NYAP2: variants seen among roughly 807,000 people sequenced by gnomAD.
The protein encoded by NYAP2 is neuronal tyrosine-phosphorylated phosphoinositide-3-kinase adaptor 2, also known as neuronal tyrosine-phosphorylated phosphoinositide-3-kinase adapter 2.
In NYAP2, 23 loss-of-function variants were observed where a neutral mutation model predicts 50.4. The ratio of observed to expected loss-of-function variants is 0.46; its 90% CI spans 0.33 to 0.65. NYAP2 has a LOEUF of 0.65. NYAP2 is among the 30% of genes least tolerant of loss of function. The probability of loss-of-function intolerance (pLI) is 0.02; values close to 1 mark genes in which losing one functional copy is unlikely to be tolerated. For synonymous variants in NYAP2, 394 were observed against 365.2 expected (o/e 1.08, Z -0.90); for missense variants, 885 against 861.0 (o/e 1.03, Z -0.35).
At position 225,583,100 on chromosome 2, in the gene NYAP2, C is replaced by T. The variant is rs1692328201; in HGVS notation, c.1618+65C>T. Reference sequence around the variant, plus strand: ...CCAGGCTTACAACCAGGGTGAAGCCCATTGTGTGCAGATAACGCACAGAGT... The same window carrying T: ...CCAGGCTTACAACCAGGGTGAAGCCTATTGTGTGCAGATAACGCACAGAGT... On this transcript the variant is annotated intron_variant, in intron 5 of 6. Coordinates refer to ENST00000636099, the Ensembl canonical transcript of NYAP2. 3 of 1,537,574 alleles carry T rather than the reference C, an allele frequency of 2.0e-6. No homozygotes were observed. The African/African-American group carries it at 4.1e-5, about 21-fold the overall frequency.
chr2:225,504,473 TATATC>T (rs903270491), intron 3 of NYAP2, among the ~76,000 whole-genome samples: 2 of 152,180 alleles, frequency 1.3e-5, no homozygotes, highest in Non-Finnish European at 2.9e-5. Context: ...CACCTGTACT[TATATC>T]AGCCACCTTG....
At chr2:225,430,314 A>G (rs914817858) in intron 3 of NYAP2, among the ~76,000 whole-genome samples, 18 of 152,204 alleles carry the variant, frequency 1.2e-4, no homozygotes, top group Admixed American at 1.1e-3. Flanking sequence ...TTCCAAATAT[A>G]GAATAATCAG....
chr2:225,464,539 G>A (rs1371822977), intron 3 of NYAP2, among the ~76,000 whole-genome samples: 2 of 152,200 alleles, frequency 1.3e-5, no homozygotes, highest in African/African-American at 4.8e-5. Context: ...GGTGACTTCA[G>A]GTAACTGGGC....
intron 6 of NYAP2, among the ~76,000 whole-genome samples, chr2:225,650,713 T>C (rs914498603): frequency 7.9e-5 from 12 of 152,190 alleles, no homozygotes; most frequent in Admixed American, 3.9e-4. Flanking sequence ...TTTTCCTTTG[T>C]CAAATATCTT....
chr2:225,631,144 ATAAT>A (rs1693307201), intron 6 of NYAP2, among the ~76,000 whole-genome samples: 1 of 152,244 alleles, frequency 6.6e-6, no homozygotes, highest in African/African-American at 2.4e-5. Context: ...TAGATAGTCC[ATAAT>A]TAAACTTTTT....
At chr2:225,605,754 A>T (rs903390374) in intron 5 of NYAP2, among the ~76,000 whole-genome samples, 2 of 152,234 alleles carry the variant, frequency 1.3e-5, no homozygotes, top group Non-Finnish European at 2.9e-5. Flanking sequence ...GTTTTCTCCC[A>T]AATAATTCTA....
the NYAP2 span, among the ~76,000 whole-genome samples, chr2:225,659,636 C>A: frequency 2.6e-5 from 4 of 152,190 alleles, no homozygotes; most frequent in East Asian, 7.7e-4. Context: ...TAGACAAAAA[C>A]CTGAGATAGA....
Position 225,543,879 on chromosome 2 carries a change from A to G in NYAP2, c.523+30207A>G, listed in dbSNP as rs191842601. On this transcript the variant is annotated intron_variant, in intron 4 of 6. Transcript: ENST00000636099. ...TGTTGAATTCTCCAGCTATTATTGT[A>G]TTAGGGCCTGTCTCTCTCTTTAGCT... Among the ~76,000 whole-genome samples the G allele has an allele frequency of 1.5e-3, 221 of 152,114 alleles. 1 individual carries two copies. The highest frequency in any genetic ancestry group is 1.0e-3 in the Non-Finnish European group (71 of 67,896).
chr2:225,671,413 GT>G, the NYAP2 span, among the ~76,000 whole-genome samples: 1 of 152,152 alleles, frequency 6.6e-6, no homozygotes, highest in East Asian at 1.9e-4. Context: ...AACTCATCAT[GT>G]GTTCAAGTTT....
intron 3 of NYAP2, among the ~76,000 whole-genome samples, chr2:225,500,996 G>A (rs1335478149): frequency 1.3e-5 from 2 of 152,192 alleles, no homozygotes; most frequent in Non-Finnish European, 2.9e-5. Context: ...ATCTAATACT[G>A]TGTCATAGAT....
At chr2:225,462,794 T>G (rs1689854443) in intron 3 of NYAP2, among the ~76,000 whole-genome samples, 1 of 151,996 alleles carries the variant, frequency 6.6e-6, no homozygotes, top group East Asian at 1.9e-4. Flanking sequence ...GTTGGTCCAT[T>G]AAAAAAACTG....
intron 3 of NYAP2, among the ~76,000 whole-genome samples, chr2:225,440,116 G>A (rs1689446555): frequency 6.6e-6 from 1 of 152,196 alleles, no homozygotes; most frequent in African/African-American, 2.4e-5. Flanking sequence ...GGGATTATGG[G>A]AATCACAATT....
intron 3 of NYAP2, among the ~76,000 whole-genome samples, chr2:225,445,229 G>C (rs955027816): frequency 6.6e-6 from 1 of 151,872 alleles, no homozygotes; most frequent in Non-Finnish European, 1.5e-5. Flanking sequence ...TTCACCTAAA[G>C]TATGTAAAAA....
chr2:225,612,852 C>CACCCAATGTGTGTG (rs1446876319), intron 5 of NYAP2, among the ~76,000 whole-genome samples: 1 of 146,082 alleles, frequency 6.8e-6, no homozygotes, highest in African/African-American at 2.5e-5. Context: ...GATGACATCA[C>CACCCAATGTGTGTG]ATCTGGGTCT....
rs1188934335 is a variant in NYAP2, at chr2:225,512,827, C to CTTTCTTTCTTTCTT, written c.222-543_222-542insTTCTTTCTTTCTTT. Reference sequence around the variant, plus strand: ...CTCTTTCTTTTCTTTCTTTCTCTCTCTCTCTCTCTCTTTCTTTCTTTCTTT... The same window carrying CTTTCTTTCTTTCTT: ...CTCTTTCTTTTCTTTCTTTCTCTCTCTTTCTTTCTTTCTTTCTCTCTCTCTTTCTTTCTTTCTTT... On this transcript the variant is annotated intron_variant, in intron 3 of 6. Coordinates refer to ENST00000636099, the Ensembl canonical transcript of NYAP2. Among the ~76,000 whole-genome samples, 53 of 83,380 alleles carry CTTTCTTTCTTTCTT rather than the reference C, an allele frequency of 6.4e-4. 1 individual carries two copies. The highest frequency in any genetic ancestry group is 3.0e-3 in the African/African-American group (51 of 16,954). The allele number at this position is 83,380 out of a possible 152,430, so 54.7% of individuals were successfully genotyped here.
At chr2:225,567,856 G>A (rs1691988695) in intron 4 of NYAP2, among the ~76,000 whole-genome samples, 1 of 152,136 alleles carries the variant, frequency 6.6e-6, no homozygotes, top group South Asian at 2.1e-4. Flanking sequence ...AAACTATTTT[G>A]GGTTATGATC....
downstream of NYAP2, among the ~76,000 whole-genome samples, chr2:225,656,615 C>CT (rs1445700478): frequency 6.6e-6 from 1 of 152,126 alleles, no homozygotes; most frequent in African/African-American, 2.4e-5. Flanking sequence ...GGGTCCATAG[C>CT]TTGATGCATA....
chr2:225,514,733 G>GA (rs1298321731), intron 4 of NYAP2, among the ~76,000 whole-genome samples: 9 of 152,092 alleles, frequency 5.9e-5, no homozygotes. Context: ...AGCAAATGTG[G>GA]AAAACACTTC....
chr2:225,424,791 G>A (rs895278717), intron 3 of NYAP2, among the ~76,000 whole-genome samples: 1 of 152,042 alleles, frequency 6.6e-6, no homozygotes, highest in East Asian at 1.9e-4. Context: ...AAAGTAAAAA[G>A]GGAGATTATA....
Sources: allele counts gnomAD v4.1 joint callset (sites outside exome capture counted in the v4.1 genomes callset), GRCh38; gene constraint gnomAD v4.1.1; transcripts MANE v1.5; gene names NCBI Gene and HGNC (gene_info 2026-07-23, HGNC 2026-07-21).